Variants in RBM27 observed in about 807,000 individuals in gnomAD.
The protein encoded by RBM27 is RNA-binding protein 27.
In RBM27, 22 loss-of-function variants were observed where a neutral mutation model predicts 135.3. That is an observed-to-expected ratio of 0.16 (90% CI 0.12 to 0.23). The LOEUF (loss-of-function observed/expected upper bound fraction) is 0.23, where lower values mean the gene tolerates loss of function less well. Ranked by LOEUF, RBM27 falls within the 10% of genes least tolerant of loss-of-function variation. RBM27 has a pLI of 1.00. For missense variants in RBM27, 1,009 were observed against 1,281.0 expected (o/e 0.79, Z 3.24); for synonymous variants, 481 against 442.4 (o/e 1.09, Z -1.10).
chr5:146,207,853 C>G (rs1283072080), intron 1 of RBM27, among the ~76,000 whole-genome samples: 1 of 150,696 alleles, frequency 6.6e-6, no homozygotes, highest in Non-Finnish European at 1.5e-5. Context: ...TGGGGTTTCA[C>G]CGTGTTGGTC....
At chr5:146,255,186 T>G (rs1758054025) in intron 10 of RBM27, 94 bp downstream of exon 10, 4 of 1,151,670 alleles carry the variant, frequency 3.5e-6, no homozygotes, top group Non-Finnish European at 4.8e-6. Flanking sequence ...TTGAGGAAAT[T>G]AAGGTCCAAA....
At chr5:146,210,408 C>T (rs1395801944) in intron 1 of RBM27, among the ~76,000 whole-genome samples, 3 of 151,994 alleles carry the variant, frequency 2.0e-5, no homozygotes, top group Non-Finnish European at 2.9e-5. Flanking sequence ...ATTTCTTCCA[C>T]ATGATACTCA....
At chr5:146,267,299 T>G (rs1758656119) in intron 14 of RBM27, among the ~76,000 whole-genome samples, 2 of 152,204 alleles carry the variant, frequency 1.3e-5, no homozygotes, top group African/African-American at 4.8e-5. Context: ...AAACAGATGT[T>G]TAGTCATTTT....
intron 8 of RBM27, among the ~76,000 whole-genome samples, chr5:146,239,467 C>CTTTTTTTTTTCTT (rs368919868): frequency 7.6e-6 from 1 of 130,812 alleles, no homozygotes; most frequent in African/African-American, 3.0e-5. Flanking sequence ...TTTTTTTTTC[C>CTTTTTTTTTTCTT]TTTTCTTTTT....
intron 8 of RBM27, among the ~76,000 whole-genome samples, chr5:146,250,798 A>T: frequency 2.0e-5 from 2 of 100,246 alleles, no homozygotes; most frequent in African/African-American, 4.1e-5. Flanking sequence ...TTTTTTTGAG[A>T]CAGAGTCTTA....
intron 10 of RBM27, among the ~76,000 whole-genome samples, chr5:146,256,165 C>G (rs1303401869): frequency 1.3e-5 from 2 of 150,906 alleles, no homozygotes; most frequent in South Asian, 2.1e-4. Context: ...CTAGCATTTT[C>G]CTGTTCTTCC....
At chr5:146,285,138 T>C (rs528372227) in intron 20 of RBM27, among the ~76,000 whole-genome samples, 1 of 152,282 alleles carries the variant, frequency 6.6e-6, no homozygotes, top group East Asian at 1.9e-4. Context: ...AATCAGAGTG[T>C]GCAGAAGTTG....
At chr5:146,247,172 T>G (rs2126806138) in intron 8 of RBM27, among the ~76,000 whole-genome samples, 1 of 152,270 alleles carries the variant, frequency 6.6e-6, no homozygotes, top group South Asian at 2.1e-4. Context: ...CCTTAGTTTT[T>G]ATTTTTGTTT....
At chr5:146,272,253 T>G (rs533008311) in intron 19 of RBM27, among the ~76,000 whole-genome samples, 1 of 152,352 alleles carries the variant, frequency 6.6e-6, no homozygotes, top group African/African-American at 2.4e-5. Context: ...ACATGCAAAC[T>G]GTATATACAT....
intron 8 of RBM27, among the ~76,000 whole-genome samples, chr5:146,246,554 G>A (rs1305377487): frequency 6.6e-6 from 1 of 152,160 alleles, no homozygotes; most frequent in Non-Finnish European, 1.5e-5. Flanking sequence ...GCATGTGACT[G>A]TAGTCCCAGC....
At chr5:146,266,113 A>G (rs897956607) in intron 14 of RBM27, among the ~76,000 whole-genome samples, 3 of 152,196 alleles carry the variant, frequency 2.0e-5, no homozygotes, top group East Asian at 3.8e-4. Flanking sequence ...AGCCTAGAAT[A>G]TGGTATCAAA....
At chr5:146,258,921 C>T (rs1385134222) in intron 11 of RBM27, among the ~76,000 whole-genome samples, 1 of 151,804 alleles carries the variant, frequency 6.6e-6, no homozygotes, top group Non-Finnish European at 1.5e-5. Context: ...ACCATGCCCA[C>T]CTGATTTTCT....
At chr5:146,260,339 T>G (rs558432586) in intron 11 of RBM27, among the ~76,000 whole-genome samples, 1 of 151,940 alleles carries the variant, frequency 6.6e-6, no homozygotes, top group South Asian at 2.1e-4. Flanking sequence ...CTTAGTAATT[T>G]CCGAAGAATG....
chr5:146,250,157 T>TA (rs897279202), intron 8 of RBM27, among the ~76,000 whole-genome samples: 21 of 151,816 alleles, frequency 1.4e-4, no homozygotes, highest in Admixed American at 6.6e-5. Context: ...TCACCAGGTA[T>TA]AAAAAAAATT....
chr5:146,279,929 A>T (rs745855592), intron 19 of RBM27, among the ~76,000 whole-genome samples: 67 of 152,158 alleles, frequency 4.4e-4, no homozygotes, highest in Admixed American at 7.2e-4. Flanking sequence ...CTATGTATGT[A>T]AGAAAACATA....
intron 5 of RBM27, 110 bp from the exon 6 acceptor site, chr5:146,230,547 T>C: frequency 8.8e-7 from 1 of 1,139,844 alleles, no homozygotes; most frequent in South Asian, 1.6e-5. Context: ...GATAGCTAGA[T>C]AAGTTTAATT....
intron 2 of RBM27, among the ~76,000 whole-genome samples, chr5:146,221,568 GA>G (rs1303944174): frequency 6.6e-6 from 1 of 152,206 alleles, no homozygotes; most frequent in African/African-American, 2.4e-5. Context: ...CGAGTAGCTG[GA>G]ATTATAGGCA....
chr5:146,228,902 C>G lies in RBM27; in HGVS notation c.304-44C>G, dbSNP rs369838865. ...TGTTGGGATTACAGGTGTGAGCCAC[C>G]GTGCCTGGCCCTGCTCTTACTTCTA... On this transcript the variant is annotated intron_variant, in intron 3 of 20. Transcript: ENST00000265271. The G allele has an allele frequency of 2.3e-4, 346 of 1,534,716 alleles. 1 individual carries two copies. Among genetic ancestry groups the G allele is most frequent in the Non-Finnish European group, 4.6e-5 (51 of 1,110,828 alleles).
intron 3 of RBM27, among the ~76,000 whole-genome samples, chr5:146,226,666 C>T (rs1322277417): frequency 3.3e-5 from 5 of 151,990 alleles, no homozygotes; most frequent in African/African-American, 4.8e-5. Context: ...CAGGTGTGAG[C>T]CACTGCACCC....
Sources: allele counts gnomAD v4.1 joint callset (sites outside exome capture counted in the v4.1 genomes callset), GRCh38; gene constraint gnomAD v4.1.1; transcripts MANE v1.5; gene names NCBI Gene and HGNC (gene_info 2026-07-23, HGNC 2026-07-21).